The following ATF7IP2 variants were observed in gnomAD, a reference collection of about 807,000 sequenced individuals.
ATF7IP2 encodes activating transcription factor 7-interacting protein 2.
Under a neutral mutation model 64.2 loss-of-function variants are expected in ATF7IP2, and 42 were observed. The observed-to-expected ratio is 0.65, with a 90% confidence interval of 0.51 to 0.85. ATF7IP2 has a LOEUF of 0.85. ATF7IP2 is among the 40% of genes least tolerant of loss of function. The pLI is 0.00. For missense variants in ATF7IP2, 933 were observed against 784.2 expected (o/e 1.19, Z -2.27); for synonymous variants, 308 against 272.8 (o/e 1.13, Z -1.27).
chr16:10,441,239 G>A (rs1183044664), intron 8 of ATF7IP2, among the ~76,000 whole-genome samples: 1 of 152,208 alleles, frequency 6.6e-6, no homozygotes, highest in East Asian at 1.9e-4. Flanking sequence ...ATAGCAGAAT[G>A]ATGTATAATC....
intron 6 of ATF7IP2, 113 bp from the exon 7 acceptor site, chr16:10,437,986 CTA>C (rs1340991603): frequency 2.8e-6 from 2 of 709,820 alleles, no homozygotes; most frequent in Non-Finnish European, 4.1e-6. Context: ...TATAAATAAA[CTA>C]TATTTAATTG....
intron 1 of ATF7IP2, among the ~76,000 whole-genome samples, chr16:10,400,031 T>C (rs1255002822): frequency 6.6e-6 from 1 of 152,122 alleles, no homozygotes; most frequent in Admixed American, 6.5e-5. Flanking sequence ...TTTTAATTTG[T>C]TGATTATTTT....
chr16:10,451,470 G>C (rs1364903330), intron 8 of ATF7IP2, among the ~76,000 whole-genome samples: 2 of 152,062 alleles, frequency 1.3e-5, no homozygotes, highest in Non-Finnish European at 2.9e-5. Flanking sequence ...CATAGGTGTG[G>C]TCTTTTCACA....
intron 9 of ATF7IP2, among the ~76,000 whole-genome samples, chr16:10,466,518 A>G (rs1477694364): frequency 6.6e-6 from 1 of 152,120 alleles, no homozygotes; most frequent in African/African-American, 2.4e-5. Flanking sequence ...ATTACTGCGT[A>G]TCCTTGCCAA....
At chr16:10,436,949 C>T (rs374953755) in intron 6 of ATF7IP2, among the ~76,000 whole-genome samples, 2 of 151,020 alleles carry the variant, frequency 1.3e-5, no homozygotes, top group African/African-American at 2.4e-5. Context: ...ACAGCTACTA[C>T]GATTTGTTAG....
intron 1 of ATF7IP2, among the ~76,000 whole-genome samples, chr16:10,388,744 C>T (rs1172164290): frequency 6.6e-6 from 1 of 152,184 alleles, no homozygotes; most frequent in Non-Finnish European, 1.5e-5. Context: ...GGCGCGGTGG[C>T]TCACACCTGT....
At chr16:10,469,148 T>TATCA (rs552092970) in intron 9 of ATF7IP2, among the ~76,000 whole-genome samples, 31 of 152,118 alleles carry the variant, frequency 2.0e-4, no homozygotes, top group Non-Finnish European at 4.3e-4. Context: ...AAATATGACC[T>TATCA]ATCAACAAGG....
intron 8 of ATF7IP2, among the ~76,000 whole-genome samples, chr16:10,441,217 G>A (rs1452809959): frequency 6.6e-6 from 1 of 152,146 alleles, no homozygotes; most frequent in Non-Finnish European, 1.5e-5. Context: ...ACGTACGTGT[G>A]CATGTGTCTT....
chr16:10,398,974 G>A (rs1365699462), intron 1 of ATF7IP2, among the ~76,000 whole-genome samples: 2 of 152,152 alleles, frequency 1.3e-5, no homozygotes, highest in African/African-American at 2.4e-5. Context: ...TTAGCTGGGC[G>A]TGGTGGTGCA....
intron 2 of ATF7IP2, among the ~76,000 whole-genome samples, chr16:10,415,440 A>G (rs1226463833): frequency 2.0e-5 from 3 of 152,244 alleles, no homozygotes; most frequent in Admixed American, 1.3e-4. Context: ...GAAGAATGAA[A>G]TTAGATCTGT....
At chr16:10,440,489 A>G in intron 8 of ATF7IP2, 27 bp downstream of exon 8, 1 of 1,243,558 alleles carries the variant, frequency 8.0e-7, no homozygotes, top group Non-Finnish European at 1.1e-6. Context: ...AGGAATTGTA[A>G]TCATCTATTT....
intron 3 of ATF7IP2, among the ~76,000 whole-genome samples, chr16:10,423,662 T>A (rs2048030113): frequency 6.6e-6 from 1 of 152,104 alleles, no homozygotes; most frequent in African/African-American, 2.4e-5. Flanking sequence ...TGCAGAAGGG[T>A]AGGGACAAAC....
At chr16:10,454,913 A>T (rs1331292281) in intron 8 of ATF7IP2, among the ~76,000 whole-genome samples, 1 of 152,168 alleles carries the variant, frequency 6.6e-6, no homozygotes, top group Non-Finnish European at 1.5e-5. Context: ...ACCTGATTTC[A>T]TTTGGTCAGA....
intron 1 of ATF7IP2, among the ~76,000 whole-genome samples, chr16:10,392,424 C>T (rs2047345389): frequency 6.6e-6 from 1 of 151,306 alleles, no homozygotes; most frequent in Non-Finnish European, 1.5e-5. Context: ...TCCCAGAGTG[C>T]TAGGATTACA....
chr16:10,425,624 T>C (rs2141854998), intron 3 of ATF7IP2, among the ~76,000 whole-genome samples: 1 of 152,278 alleles, frequency 6.6e-6, no homozygotes, highest in East Asian at 1.9e-4. Flanking sequence ...CCGGGTGTGG[T>C]GGCTCACATC....
intron 8 of ATF7IP2, among the ~76,000 whole-genome samples, chr16:10,454,952 A>G (rs1430134983): frequency 6.6e-6 from 1 of 152,200 alleles, no homozygotes; most frequent in Admixed American, 6.5e-5. Context: ...TTAAATTTTG[A>G]AAGTTAAACT....
intron 1 of ATF7IP2, among the ~76,000 whole-genome samples, chr16:10,408,671 T>C (rs1170684031): frequency 6.6e-6 from 1 of 152,218 alleles, no homozygotes; most frequent in Non-Finnish European, 1.5e-5. Flanking sequence ...GTTAGCCCAC[T>C]TTTTGATGGG....
intron 6 of ATF7IP2, 66 bp from the exon 7 acceptor site, chr16:10,438,035 G>T: frequency 7.7e-7 from 1 of 1,301,398 alleles, no homozygotes; most frequent in South Asian, 1.7e-5. Context: ...GGCTTTTTAA[G>T]TAGAAAGTAA....
chr16:10,421,759 C>T (rs528654109), intron 3 of ATF7IP2, among the ~76,000 whole-genome samples: 60 of 152,312 alleles, frequency 3.9e-4, no homozygotes, highest in African/African-American at 1.3e-3. Context: ...ACATTTTTTA[C>T]GAGTAGATTC....
Sources: gnomAD v4.1 joint callset for allele counts (sites outside exome capture counted in the v4.1 genomes callset) on GRCh38, gnomAD v4.1.1 for gene constraint, MANE v1.5 for transcripts, NCBI Gene and HGNC (gene_info 2026-07-23, HGNC 2026-07-21) for gene names.